CADPS: variants seen among roughly 807,000 people sequenced by gnomAD.
The protein encoded by CADPS is calcium-dependent secretion activator 1.
Under a neutral mutation model 167.3 loss-of-function variants are expected in CADPS, and 57 were observed. The ratio of observed to expected loss-of-function variants is 0.34; its 90% CI spans 0.28 to 0.42. CADPS has a LOEUF of 0.42. Ranked by LOEUF, CADPS falls within the 20% of genes least tolerant of loss-of-function variation. CADPS has a pLI of 1.00. For missense variants in CADPS, 1,414 were observed against 1,738.1 expected, an observed-to-expected ratio of 0.81 and a Z score of 3.32; for synonymous variants, 676 against 635.3, an observed-to-expected ratio of 1.06 and a Z score of -0.96.
chr3:62,572,818 A>T (rs72891951), intron 8 of CADPS, among the ~76,000 whole-genome samples: 197 of 152,274 alleles, frequency 1.3e-3, no homozygotes, highest in African/African-American at 4.2e-3. Context: ...AGACACCAAA[A>T]TCCACCACCC....
intron 6 of CADPS, among the ~76,000 whole-genome samples, chr3:62,613,872 T>G (rs2061857126): frequency 6.6e-6 from 1 of 152,060 alleles, no homozygotes; most frequent in African/African-American, 2.4e-5. Flanking sequence ...GTGGAGTCAC[T>G]GGTGGGATTT....
At chr3:62,856,858 T>A (rs2079789525) in intron 1 of CADPS, among the ~76,000 whole-genome samples, 1 of 146,020 alleles carries the variant, frequency 6.8e-6, no homozygotes, top group Non-Finnish European at 1.5e-5. Context: ...GTAAAAAATA[T>A]AAAGGTAAAA....
chr3:62,693,659 C>A (rs1017606550), intron 3 of CADPS, among the ~76,000 whole-genome samples: 1 of 151,808 alleles, frequency 6.6e-6, no homozygotes, highest in Non-Finnish European at 1.5e-5. Flanking sequence ...CTGGCGCATG[C>A]CCGTAGTCCC....
At chr3:62,748,435 T>C (rs1279032456) in intron 3 of CADPS, among the ~76,000 whole-genome samples, 1 of 149,034 alleles carries the variant, frequency 6.7e-6, no homozygotes, top group Non-Finnish European at 1.5e-5. Context: ...AGGGAAAATA[T>C]CCGCACAGTT....
intron 1 of CADPS, among the ~76,000 whole-genome samples, chr3:62,778,508 C>T (rs1382420279): frequency 6.6e-6 from 1 of 152,146 alleles, no homozygotes; most frequent in Non-Finnish European, 1.5e-5. Context: ...TCCTTCCAGC[C>T]TCTGAATGAT....
intron 8 of CADPS, among the ~76,000 whole-genome samples, chr3:62,580,016 G>T (rs1029887399): frequency 6.6e-6 from 1 of 152,150 alleles, no homozygotes; most frequent in African/African-American, 2.4e-5. Context: ...TGACGGCCAG[G>T]TTTGGTGGCT....
At chr3:62,594,711 G>C (rs921137531) in intron 6 of CADPS, among the ~76,000 whole-genome samples, 6 of 152,062 alleles carry the variant, frequency 3.9e-5, no homozygotes, top group Admixed American at 6.5e-5. Context: ...TTGTTTCCTT[G>C]GGATAGAGAC....
chr3:62,789,187 G>A (rs2092721887), intron 1 of CADPS, among the ~76,000 whole-genome samples: 2 of 152,152 alleles, frequency 1.3e-5, no homozygotes, highest in Admixed American at 6.5e-5. Flanking sequence ...GCCACTATCT[G>A]AGCTAGAGTT....
intron 10 of CADPS, among the ~76,000 whole-genome samples, chr3:62,552,216 C>CA (rs2077417526): frequency 8.9e-6 from 1 of 112,416 alleles, no homozygotes; most frequent in African/African-American, 3.7e-5. Context: ...CATCACACAC[C>CA]GGGACCTGTT....
chr3:62,651,024 C>A lies in CADPS; in HGVS notation c.1026G>T (p.Glu342Asp). 1.2e-6 allele frequency: 2 copies of A among 1,614,152 alleles called. No homozygotes were observed. Among genetic ancestry groups the A allele is most frequent in the Non-Finnish European group, 1.7e-6 (2 of 1,179,982 alleles). ...SKEMENMYIEELKSSVNLLMA... is the reference protein window; with the variant it reads ...SKEMENMYIEDLKSSVNLLMA... ...TGAGCAGGTTGACAGATGACTTCAG[C>A]TCCTCAATGTACATGTTTTCCATTT... is the stretch of plus-strand genomic sequence containing the variant. The change falls in exon 5 of 30, where the codon GAG becomes GAT. Residue 342 changes from glutamate (E) to aspartate (D), a missense_variant. Physicochemically the swap from Glu to Asp is conservative, Grantham distance 45 (BLOSUM62 2). This residue lies in a region of CADPS where 522 missense variants were observed against 559.5 expected (regional missense o/e 0.93). Transcript: ENST00000383710.
At chr3:62,671,460 T>C (rs1005575975) in intron 3 of CADPS, among the ~76,000 whole-genome samples, 2 of 152,038 alleles carry the variant, frequency 1.3e-5, no homozygotes, top group African/African-American at 2.4e-5. Flanking sequence ...GGCGGTTTTG[T>C]GAAGAAAAAT....
At chr3:62,502,452 A>G (rs2065923484) in intron 17 of CADPS, among the ~76,000 whole-genome samples, 1 of 152,270 alleles carries the variant, frequency 6.6e-6, no homozygotes, top group Non-Finnish European at 1.5e-5. Context: ...ATTGAAGCTC[A>G]TAACACAGAA....
At chr3:62,713,846 C>T (rs899992871) in intron 3 of CADPS, among the ~76,000 whole-genome samples, 11 of 152,186 alleles carry the variant, frequency 7.2e-5, no homozygotes, top group African/African-American at 2.2e-4. Context: ...CCTGTTGGAG[C>T]TGATGTTTCT....
intron 8 of CADPS, among the ~76,000 whole-genome samples, chr3:62,584,622 TC>T (rs1562485311): frequency 6.6e-6 from 1 of 152,260 alleles, no homozygotes; most frequent in Non-Finnish European, 1.5e-5. Context: ...TTATTTGGCA[TC>T]TTACCTATTC....
intron 28 of CADPS, among the ~76,000 whole-genome samples, chr3:62,437,714 C>G (rs886479502): frequency 6.6e-6 from 1 of 152,196 alleles, no homozygotes; most frequent in Non-Finnish European, 1.5e-5. Context: ...GCGCCACCCC[C>G]AGGAGAGGGA....
At chr3:62,852,645 T>G (rs2078864799) in intron 1 of CADPS, among the ~76,000 whole-genome samples, 1 of 152,036 alleles carries the variant, frequency 6.6e-6, no homozygotes, top group African/African-American at 2.4e-5. Flanking sequence ...CAGTTTACTC[T>G]GAATTTCCTG....
At chr3:62,461,917 C>T (rs1442387818) in intron 26 of CADPS, among the ~76,000 whole-genome samples, 1 of 152,210 alleles carries the variant, frequency 6.6e-6, no homozygotes, top group African/African-American at 2.4e-5. Context: ...GCACCTAGCA[C>T]AGAACATGAC....
chr3:62,861,203 T>C (rs551121413), intron 1 of CADPS, among the ~76,000 whole-genome samples: 2 of 152,220 alleles, frequency 1.3e-5, no homozygotes, highest in African/African-American at 4.8e-5. Flanking sequence ...GGTTCAACCA[T>C]ATGAGCTTTG....
chr3:62,806,763 T>A (rs2094123790), intron 1 of CADPS, among the ~76,000 whole-genome samples: 1 of 152,138 alleles, frequency 6.6e-6, no homozygotes, highest in South Asian at 2.1e-4. Context: ...TGTGATTTTT[T>A]TAAAAAAGGA....
Sources: gnomAD v4.1 joint callset for allele counts (sites outside exome capture counted in the v4.1 genomes callset) on GRCh38, gnomAD v4.1.1 for gene constraint, gnomAD v4.1.1 regional missense constraint, MANE v1.5 for transcripts, NCBI Gene and HGNC (gene_info 2026-07-23, HGNC 2026-07-21) for gene names.